XIRP2: variants seen among roughly 807,000 people sequenced by gnomAD.
The protein encoded by XIRP2 is xin actin binding repeat containing 2.
A neutral mutation model predicts 277.0 loss-of-function variants in XIRP2; 236 were observed. The ratio of observed to expected loss-of-function variants is 0.85; its 90% CI spans 0.77 to 0.95. XIRP2 has a LOEUF of 0.95. Among genes scored for constraint, XIRP2 ranks in the 40% least tolerant of loss-of-function variants. The probability of loss-of-function intolerance (pLI) is 0.00; values close to 1 mark genes in which losing one functional copy is unlikely to be tolerated. For synonymous variants in XIRP2, 1,490 were observed against 1,416.5 expected, an observed-to-expected ratio of 1.05 and a Z score of -1.17; for missense variants, 4,640 against 4,157.5, an observed-to-expected ratio of 1.12 and a Z score of -3.19.
chr2:167,136,110 A>C (rs1257532875), intron 3 of XIRP2, 48 bp downstream of exon 3: 3 of 1,468,530 alleles, frequency 2.0e-6, no homozygotes, highest in Non-Finnish European at 2.7e-6. Flanking sequence ...ACCTTGTACA[A>C]CATGAGTGGT....
intron 2 of XIRP2, among the ~76,000 whole-genome samples, chr2:166,922,869 A>G (rs1685091675): frequency 6.7e-6 from 1 of 149,310 alleles, no homozygotes; most frequent in Non-Finnish European, 1.5e-5. Context: ...AGCATATTGC[A>G]GATTTTACTT....
At chr2:166,910,579 ATTTTTTGAAGGG>A (rs1353170524) in intron 2 of XIRP2, among the ~76,000 whole-genome samples, 3 of 151,950 alleles carry the variant, frequency 2.0e-5, no homozygotes, top group Non-Finnish European at 4.4e-5. Flanking sequence ...GGATTCGTTG[ATTTTTTGAAGGG>A]TTTTTTGTGT....
intron 1 of XIRP2, among the ~76,000 whole-genome samples, chr2:166,902,081 T>C (rs1439065186): frequency 6.6e-6 from 1 of 152,070 alleles, no homozygotes; most frequent in Admixed American, 6.6e-5. Flanking sequence ...ATTTTACCAG[T>C]GAAGATTTTT....
intron 2 of XIRP2, among the ~76,000 whole-genome samples, chr2:167,055,410 A>C: frequency 6.6e-6 from 1 of 152,208 alleles, no homozygotes; most frequent in Non-Finnish European, 1.5e-5. Flanking sequence ...TTAATGAAGA[A>C]GGCAATTCCT....
Position 167,244,918 on chromosome 2 carries a change from A to G in XIRP2, c.3526A>G (p.Ser1176Gly). The change falls in exon 9 of 11, where the codon AGC becomes GGC. Residue 1176 changes from serine (S) to glycine (G), a missense_variant. By Grantham distance (56) the Ser-to-Gly change is moderately conservative. Transcript: ENST00000409195. Reference sequence around the variant, plus strand: ...TCTTTTTGAGACAGAAAATTTGGACAGCATACAAGGAGAAGAAGTGAAGGA... The same window carrying G: ...TCTTTTTGAGACAGAAAATTTGGACGGCATACAAGGAGAAGAAGTGAAGGA... ...CFLFETENLDSIQGEEVKEIK... is the reference protein window; with the variant it reads ...CFLFETENLDGIQGEEVKEIK... 6.2e-7 allele frequency: 1 copy of G among 1,613,106 alleles called. No individual in the cohort carries two copies. The highest frequency in any genetic ancestry group is 8.5e-7 in the Non-Finnish European group (1 of 1,179,636).
At chr2:167,007,787 A>G (rs956746529) in intron 2 of XIRP2, among the ~76,000 whole-genome samples, 1 of 151,380 alleles carries the variant, frequency 6.6e-6, no homozygotes, top group African/African-American at 2.4e-5. Context: ...TTCAGAATCT[A>G]ATAGAAGATA....
At chr2:167,154,632 C>A (rs1053067975) in intron 3 of XIRP2, among the ~76,000 whole-genome samples, 62 of 152,128 alleles carry the variant, frequency 4.1e-4, no homozygotes, top group African/African-American at 1.4e-3. Context: ...ATATGGCTAG[C>A]CAGTTTTCCT....
intron 2 of XIRP2, among the ~76,000 whole-genome samples, chr2:167,009,916 G>GT (rs36018884): frequency 2.6e-5 from 4 of 151,796 alleles, no homozygotes; most frequent in African/African-American, 9.7e-5. Context: ...GGGGTTCTTT[G>GT]TTTTTTTCTT....
At chr2:166,922,990 G>T (rs2105359604) in intron 2 of XIRP2, among the ~76,000 whole-genome samples, 1 of 151,372 alleles carries the variant, frequency 6.6e-6, no homozygotes, top group Middle Eastern at 3.4e-3. Flanking sequence ...ATCCTCAAGG[G>T]TATTCAGCAT....
chr2:167,076,917 T>C (rs184854089), intron 2 of XIRP2, among the ~76,000 whole-genome samples: 34 of 152,252 alleles, frequency 2.2e-4, no homozygotes, highest in Non-Finnish European at 4.4e-4. Flanking sequence ...CTGCAAACTC[T>C]GCCACCAGGT....
chr2:167,026,476 G>A (rs1218539569), intron 2 of XIRP2, among the ~76,000 whole-genome samples: 3 of 152,134 alleles, frequency 2.0e-5, no homozygotes, highest in Non-Finnish European at 4.4e-5. Flanking sequence ...ATATTGTTAT[G>A]TGTGAATTTG....
chr2:167,170,255 T>G (rs1353871368), intron 3 of XIRP2, among the ~76,000 whole-genome samples: 1 of 152,162 alleles, frequency 6.6e-6, no homozygotes, highest in Non-Finnish European at 1.5e-5. Context: ...ATATTGGTCT[T>G]TAACTTCTCT....
intron 3 of XIRP2, among the ~76,000 whole-genome samples, chr2:167,149,670 A>T (rs954134342): frequency 3.3e-5 from 5 of 149,762 alleles, no homozygotes; most frequent in African/African-American, 1.2e-4. Flanking sequence ...AAACTACAAG[A>T]AATATTGGAA....
chr2:167,062,424 T>G (rs1689192899), intron 2 of XIRP2, among the ~76,000 whole-genome samples: 1 of 152,196 alleles, frequency 6.6e-6, no homozygotes, highest in South Asian at 2.1e-4. Context: ...GCTAAAATTT[T>G]GTTTAAAAGT....
At chr2:167,034,102 A>G (rs144265153) in intron 2 of XIRP2, among the ~76,000 whole-genome samples, 35 of 152,310 alleles carry the variant, frequency 2.3e-4, no homozygotes, top group African/African-American at 8.4e-4. Context: ...ATAATAAGGT[A>G]TAAATAGAAA....
In XIRP2 at chr2:166,941,488, C is replaced by T. The variant is rs140724443; in HGVS notation, c.408+37598C>T. Among the ~76,000 whole-genome samples, 886 of 152,328 alleles carry T rather than the reference C, an allele frequency of 5.8e-3. 3 individuals carry two copies. The highest frequency in any genetic ancestry group is 0.037 in the Middle Eastern group (11 of 294). ...GTCCGACAAGCCCCAGTGAGATGAA[C>T]CCAGTACCTCAGTTGGAAATACAGA... On this transcript the variant is annotated intron_variant, in intron 2 of 10. Transcript: ENST00000409195.
intron 5 of XIRP2, among the ~76,000 whole-genome samples, chr2:167,224,034 C>T (rs1694515423): frequency 6.6e-6 from 1 of 152,058 alleles, no homozygotes; most frequent in Admixed American, 6.6e-5. Flanking sequence ...AGTCCAATGT[C>T]AAGGTGCTGG....
At chr2:167,108,420 C>T (rs1173820098) in intron 2 of XIRP2, among the ~76,000 whole-genome samples, 1 of 151,856 alleles carries the variant, frequency 6.6e-6, no homozygotes, top group Non-Finnish European at 1.5e-5. Flanking sequence ...AAAATAGGAC[C>T]ATAAGTTATT....
At chr2:166,962,609 G>C (rs1686326635) in intron 2 of XIRP2, among the ~76,000 whole-genome samples, 2 of 151,724 alleles carry the variant, frequency 1.3e-5, no homozygotes, top group Admixed American at 6.6e-5. Context: ...AACTCAAAAA[G>C]TTTTTGGAAG....
Sources: allele counts gnomAD v4.1 joint callset (sites outside exome capture counted in the v4.1 genomes callset), GRCh38; gene constraint gnomAD v4.1.1; transcripts MANE v1.5; gene names NCBI Gene and HGNC (gene_info 2026-07-23, HGNC 2026-07-21).